The following DGLUCY variants were observed in gnomAD, a reference collection of about 807,000 sequenced individuals.
DGLUCY encodes D-glutamate cyclase.
A neutral mutation model predicts 58.5 loss-of-function variants in DGLUCY; 58 were observed. The ratio of observed to expected loss-of-function variants is 0.99; its 90% CI spans 0.80 to 1.23. The LOEUF (loss-of-function observed/expected upper bound fraction) is 1.23. Among genes scored for constraint, DGLUCY ranks in the 50% most tolerant of loss-of-function variants. DGLUCY has a pLI of 0.00. For synonymous variants in DGLUCY, 325 were observed against 314.1 expected (o/e 1.03, Z -0.37); for missense variants, 779 against 784.7 (o/e 0.99, Z 0.09).
intron 1 of DGLUCY, among the ~76,000 whole-genome samples, chr14:91,134,259 C>T (rs1595720042): frequency 6.6e-6 from 1 of 152,158 alleles, no homozygotes; most frequent in Non-Finnish European, 1.5e-5. Context: ...GATATATTTA[C>T]AACATTGCGT....
intron 1 of DGLUCY, among the ~76,000 whole-genome samples, chr14:91,144,090 A>G (rs1195943770): frequency 6.6e-6 from 1 of 152,198 alleles, no homozygotes; most frequent in East Asian, 1.9e-4. Flanking sequence ...CAAGAATAAC[A>G]TAAATGCAAT....
intron 10 of DGLUCY, among the ~76,000 whole-genome samples, chr14:91,198,343 CTTTT>C (rs11341539): frequency 1.4e-5 from 2 of 145,128 alleles, no homozygotes; most frequent in African/African-American, 2.5e-5. Flanking sequence ...TGTGCCCAGC[CTTTT>C]TTTTTTTTCC....
intron 5 of DGLUCY, 97 bp downstream of exon 5, chr14:91,170,298 T>G: frequency 7.5e-7 from 1 of 1,331,066 alleles, no homozygotes; most frequent in Non-Finnish European, 1.0e-6. Context: ...GCACGGGAGG[T>G]GGAAAACCTA....
exon 1 of DGLUCY, chr14:91,060,623 C>G (rs1366694307): frequency 1.0e-5 from 8 of 771,772 alleles, no homozygotes; most frequent in Non-Finnish European, 1.4e-5. Flanking sequence ...CCCCCTTCGG[C>G]GGGCACCGCT....
At chr14:91,217,378 G>A (rs1043431348) in intron 13 of DGLUCY, among the ~76,000 whole-genome samples, 12 of 152,236 alleles carry the variant, frequency 7.9e-5, no homozygotes, top group African/African-American at 2.6e-4. Flanking sequence ...CTGCAGAAGA[G>A]CCCGAGATTG....
intron 1 of DGLUCY, among the ~76,000 whole-genome samples, chr14:91,116,249 T>C (rs1263835628): frequency 6.6e-6 from 1 of 152,248 alleles, no homozygotes; most frequent in Non-Finnish European, 1.5e-5. Context: ...ATTTCATTTA[T>C]GCCACACTTT....
chr14:91,070,655 G>T (rs2043899525), intron 1 of DGLUCY, among the ~76,000 whole-genome samples: 1 of 152,174 alleles, frequency 6.6e-6, no homozygotes, highest in African/African-American at 2.4e-5. Context: ...TCAACCAAAA[G>T]AGAATGAACA....
rs540664056 is a variant in DGLUCY at position 91,097,695 on chromosome 14, C to T, written c.-82+36991C>T. Among the ~76,000 whole-genome samples, 65 of 144,782 alleles carry T rather than the reference C, an allele frequency of 4.5e-4. No individual in the cohort carries two copies. In the South Asian group the frequency reaches 7.0e-3, roughly 16 times the overall value. The allele number at this position is 144,782 out of a possible 152,430, so 95.0% of individuals were successfully genotyped here. ...CCCTCCCTTTTTTTTTTTTTTGAGA[C>T]GGAGTTTCGCTCTTGTTGCCCAGGC... is the stretch of plus-strand genomic sequence containing the variant. On this transcript the variant is annotated intron_variant, in intron 1 of 4. Transcript: ENST00000521334.
At position 91,160,306 on chromosome 14, in the gene DGLUCY, A is replaced by G; in HGVS notation, c.12A>G (p.Thr4=). MPF[T]LHLRSRLPSA... ...TTCAAGTTGACACGATGCCCTTCAC[A>G]CTCCACCTGAGGTCCCGCCTTCCCT... is the stretch of plus-strand genomic sequence containing the variant. Residue 4 remains threonine, a synonymous_variant, in exon 3 of 14, where the codon ACA becomes ACG. Transcript: ENST00000256324. 2 of 1,612,124 alleles carry G rather than the reference A, an allele frequency of 1.2e-6. No homozygotes were observed. Among genetic ancestry groups the G allele is most frequent in the Non-Finnish European group, 1.7e-6 (2 of 1,179,206 alleles).
intron 1 of DGLUCY, among the ~76,000 whole-genome samples, chr14:91,138,701 C>T (rs914394254): frequency 2.6e-5 from 4 of 152,072 alleles, no homozygotes; most frequent in Non-Finnish European, 4.4e-5. Context: ...CATCAAATCT[C>T]GTGAGAATTC....
At chr14:91,197,694 G>A (rs967501478) in intron 10 of DGLUCY, among the ~76,000 whole-genome samples, 2 of 152,196 alleles carry the variant, frequency 1.3e-5, no homozygotes, top group Admixed American at 1.3e-4. Context: ...TGTCCTCAAT[G>A]TTCATTCATG....
chr14:91,154,071 A>C (rs6575184), intron 1 of DGLUCY, among the ~76,000 whole-genome samples: 3,028 of 152,178 alleles, frequency 0.02, 96 homozygotes, highest in African/African-American at 0.068. Context: ...ATGCCCAGCT[A>C]ATTTTTGTAT....
chr14:91,140,783 A>G (rs2046619972), intron 1 of DGLUCY, among the ~76,000 whole-genome samples: 1 of 152,254 alleles, frequency 6.6e-6, no homozygotes, highest in Admixed American at 6.5e-5. Flanking sequence ...CCATCTTTTG[A>G]AATGAGTATC....
upstream of DGLUCY, among the ~76,000 whole-genome samples, chr14:91,109,948 G>T (rs982612692): frequency 6.6e-6 from 1 of 152,198 alleles, no homozygotes; most frequent in African/African-American, 2.4e-5. Context: ...TCCTGTTTCT[G>T]TTGGCTCACT....
chr14:91,085,249 G>C (rs574836326), intron 1 of DGLUCY, among the ~76,000 whole-genome samples: 106 of 148,716 alleles, frequency 7.1e-4, no homozygotes, highest in Non-Finnish European at 1.1e-3. Flanking sequence ...AAAGTTAACA[G>C]AGCTGTTGAT....
rs1474717770 is a variant in DGLUCY at position 91,093,075 on chromosome 14, C to T, written c.-82+32371C>T. ...CTCCAGCCTGGGCCACAGAGTGAAA[C>T]TCAGTCTCAAAAAAAAAAAAAAAAA... On this transcript the variant is annotated intron_variant, in intron 1 of 4. Coordinates refer to the DGLUCY transcript ENST00000521334. Among the ~76,000 whole-genome samples, 5 of 143,004 alleles carry T rather than the reference C, an allele frequency of 3.5e-5. No homozygotes were observed. The East Asian group carries it at 8.1e-4, about 23-fold the overall frequency. The allele number at this position is 143,004 out of a possible 152,430, so 93.8% of individuals were successfully genotyped here. A position where few individuals can be genotyped will look rare whatever the true frequency, so the allele number is the denominator to read the frequency against.
At chr14:91,153,682 G>A (rs548881751) in intron 1 of DGLUCY, among the ~76,000 whole-genome samples, 29 of 152,322 alleles carry the variant, frequency 1.9e-4, no homozygotes, top group African/African-American at 6.3e-4. Flanking sequence ...GGTGTGATGA[G>A]CACTGCCTGC....
At chr14:91,079,933 C>T (rs2044096053) in intron 1 of DGLUCY, among the ~76,000 whole-genome samples, 1 of 152,164 alleles carries the variant, frequency 6.6e-6, no homozygotes, top group Non-Finnish European at 1.5e-5. Context: ...TTCTGTCATC[C>T]TCCGGACCCA....
chr14:91,181,382 A>G lies in DGLUCY; in HGVS notation c.927A>G (p.Ile309Met). ...GAGAACTAGAGTCTATGATCGGCAT[A>G]GACCCAGGTAAGAAACAACACATTT... ...KIRELESMIG[I>M]DPGNRGIGHL... Residue 309 changes from isoleucine (I) to methionine (M), a missense_variant, in exon 8 of 14, where the codon ATA (isoleucine) becomes ATG (methionine). Transcript: ENST00000256324. The G allele has an allele frequency of 6.2e-7, 1 of 1,612,966 alleles. No individual in the cohort carries two copies.
Sources: allele counts gnomAD v4.1 joint callset (sites outside exome capture counted in the v4.1 genomes callset), GRCh38; gene constraint gnomAD v4.1.1; transcripts MANE v1.5; gene names NCBI Gene and HGNC (gene_info 2026-07-23, HGNC 2026-07-21).